SLC22A24: variants seen among roughly 807,000 people sequenced by gnomAD.
SLC22A24 encodes steroid transmembrane transporter SLC22A24.
In SLC22A24, 53 loss-of-function variants were observed where a neutral mutation model predicts 49.8. The ratio of observed to expected loss-of-function variants is 1.06; its 90% CI spans 0.85 to 1.34. The LOEUF (loss-of-function observed/expected upper bound fraction) is 1.34, where lower values mean the gene tolerates loss of function less well. SLC22A24 is among the 40% of genes most tolerant of loss of function. The probability of loss-of-function intolerance (pLI) is 0.00; values close to 1 mark genes in which losing one functional copy is unlikely to be tolerated. For missense variants in SLC22A24, 786 were observed against 675.9 expected, an observed-to-expected ratio of 1.16 and a Z score of -1.81; for synonymous variants, 302 against 256.4, an observed-to-expected ratio of 1.18 and a Z score of -1.70.
intron 4 of SLC22A24, among the ~76,000 whole-genome samples, chr11:63,111,408 A>G (rs1211364567): frequency 6.6e-6 from 1 of 151,776 alleles, no homozygotes; most frequent in Non-Finnish European, 1.5e-5. Flanking sequence ...TGATTGGAAT[A>G]GTTTCAGAAG....
At position 63,114,167 on chromosome 11, in the gene SLC22A24, T is replaced by A. The variant is rs546574760; in HGVS notation, c.830+4745A>T. ...ATATCCTGAAGAGTGTTTTTCCAAC[T>A]TGGTTCCATTCTTTCCGTCACTTTC... is the stretch of plus-strand genomic sequence containing the variant. On this transcript the variant is annotated intron_variant, in intron 4 of 9. Transcript: ENST00000612278. Among the ~76,000 whole-genome samples, 7 of 152,354 alleles carry A rather than the reference T, an allele frequency of 4.6e-5. No homozygotes were observed. The South Asian group carries it at 1.4e-3, about 32-fold the overall frequency.
chr11:63,103,976 A>G (rs2087105535), intron 5 of SLC22A24, among the ~76,000 whole-genome samples, 199 bp downstream of exon 5: 1 of 152,194 alleles, frequency 6.6e-6, no homozygotes, highest in South Asian at 2.1e-4. Context: ...TTAAACAATT[A>G]TATCCACTTC....
At chr11:63,136,512 A>T (rs2087375812) in intron 1 of SLC22A24, among the ~76,000 whole-genome samples, 1 of 152,090 alleles carries the variant, frequency 6.6e-6, no homozygotes, top group South Asian at 2.1e-4. Context: ...CACCATATTC[A>T]CCTGACCTCT....
chr11:63,134,278 G>C (rs943013331), intron 2 of SLC22A24, among the ~76,000 whole-genome samples: 1 of 152,056 alleles, frequency 6.6e-6, no homozygotes, highest in Non-Finnish European at 1.5e-5. Context: ...GGCCAATAAC[G>C]CTGTTTCACA....
intron 6 of SLC22A24, among the ~76,000 whole-genome samples, chr11:63,087,024 G>GCACACA (rs1555045310): frequency 0.012 from 1,611 of 132,506 alleles, 26 homozygotes; most frequent in East Asian, 0.039. Context: ...CCTGGAGGGC[G>GCACACA]CACACACACA....
In SLC22A24 at chr11:63,099,168, C is replaced by T. The variant is rs995734416; in HGVS notation, c.955-3062G>A. Among the ~76,000 whole-genome samples, 3 of 151,944 alleles carry T rather than the reference C, an allele frequency of 2.0e-5. No individual in the cohort carries two copies. In the Middle Eastern group the frequency reaches 0.01, roughly 517 times the overall value. On this transcript the variant is annotated intron_variant, in intron 5 of 9. Coordinates refer to ENST00000612278, the MANE Select transcript of SLC22A24 (RefSeq NM_001136506.2). Reference sequence around the variant, plus strand: ...ACAGGAACTGATGATTTCGCTGATGCATGTTAACAAATATTTATTGGTTTT... The same window carrying T: ...ACAGGAACTGATGATTTCGCTGATGTATGTTAACAAATATTTATTGGTTTT...
At chr11:63,083,965 G>A (rs900535209) in intron 6 of SLC22A24, among the ~76,000 whole-genome samples, 5 of 152,234 alleles carry the variant, frequency 3.3e-5, no homozygotes, top group African/African-American at 9.6e-5. Flanking sequence ...TGGAGAATGG[G>A]GGTAATACTT....
rs373413405 is a variant in SLC22A24, at chr11:63,141,096, G to A, written c.402+2282C>T. 4.9e-4 allele frequency among the ~76,000 whole-genome samples: 75 copies of A among 152,270 alleles called. 1 individual carries two copies. In the South Asian group the frequency reaches 6.8e-3, roughly 14 times the overall value. ...GGTTTTCTTAGAAAATTGATGTGCT[G>A]TTTGATTGAAAATTGTAAAGCGTTC... On this transcript the variant is annotated intron_variant, in intron 1 of 9. Transcript: ENST00000612278.
chr11:63,100,830 T>G (rs888351096), intron 5 of SLC22A24, among the ~76,000 whole-genome samples: 2 of 152,104 alleles, frequency 1.3e-5, no homozygotes, highest in Non-Finnish European at 2.9e-5. Flanking sequence ...TAAATGGTGC[T>G]GAGAAAACTG....
At chr11:63,109,802 G>A (rs995401174) in intron 4 of SLC22A24, among the ~76,000 whole-genome samples, 9 of 151,722 alleles carry the variant, frequency 5.9e-5, no homozygotes. Flanking sequence ...TAGGTTGCCT[G>A]TTCACTCTGA....
chr11:63,083,009 G>A (rs2086967957), intron 7 of SLC22A24, among the ~76,000 whole-genome samples: 2 of 152,222 alleles, frequency 1.3e-5, no homozygotes, highest in South Asian at 4.1e-4. Flanking sequence ...CATCTTGGCT[G>A]TGATGAAGAC....
rs529423939 is a variant in SLC22A24 at position 63,097,089 on chromosome 11, C to A, written c.955-983G>T. On this transcript the variant is annotated intron_variant, in intron 5 of 9. Transcript: ENST00000612278. ...ATAGAGCTCCAGTAAGTAAATATTT[C>A]AGGCTGTGCACAGCAAAAGAAACTA... 2.6e-5 allele frequency among the ~76,000 whole-genome samples: 4 copies of A among 151,856 alleles called. No homozygotes were observed. In the East Asian group the frequency reaches 5.8e-4, roughly 22 times the overall value.
At chr11:63,093,342 G>C (rs531807923) in intron 6 of SLC22A24, among the ~76,000 whole-genome samples, 96 of 152,214 alleles carry the variant, frequency 6.3e-4, no homozygotes, top group Non-Finnish European at 1.2e-3. Context: ...CCATTGCTGG[G>C]TATATACCCA....
chr11:63,101,431 C>T (rs1003086566), intron 5 of SLC22A24, among the ~76,000 whole-genome samples: 2 of 151,668 alleles, frequency 1.3e-5, no homozygotes. Flanking sequence ...TAATATTATA[C>T]TAGGTAAGTG....
At position 63,119,212 on chromosome 11, in the gene SLC22A24, G is replaced by C; in HGVS notation, c.630C>G (p.Thr210=). Reference sequence around the variant, plus strand: ...TAAAAGTGTTTCCCAAAATAGTCATGGTGGAGAACCCTGCCAAGAAGCGCA... The same window carrying C: ...TAAAAGTGTTTCCCAAAATAGTCATCGTGGAGAACCCTGCCAAGAAGCGCA... ...CILRFLAGFS[T]MTILGNTFIL... is the part of the protein sequence containing the mutation. Residue 210 remains threonine, a synonymous_variant, in exon 3 of 10, where the codon ACC becomes ACG. Coordinates refer to ENST00000612278, the MANE Select transcript of SLC22A24 (RefSeq NM_001136506.2). The C allele has an allele frequency of 1.9e-6, 3 of 1,548,222 alleles. No individual in the cohort carries two copies. The highest frequency in any genetic ancestry group is 2.0e-5 in the Admixed American group (1 of 50,042).
chr11:63,080,986 A>G lies in SLC22A24; in HGVS notation c.1532T>C (p.Val511Ala). 6.4e-7 allele frequency: 1 copy of G among 1,552,264 alleles called. No individual in the cohort carries two copies. Among genetic ancestry groups the G allele is most frequent in the African/African-American group, 1.4e-5 (1 of 73,166 alleles). ...CCTGGTTTCTGGAAGGAGGAGGATA[A>G]CAGGGACAGCAAGGATGGGGAAGAC... ...YGVFPILAVP[V>A]ILLLPETRDL... The change falls in exon 9 of 10, where the codon GTT becomes GCT. Residue 511 changes from valine (V) to alanine (A), a missense_variant. Transcript: ENST00000612278.
chr11:63,093,193 A>T (rs1377401605), intron 6 of SLC22A24, among the ~76,000 whole-genome samples: 1 of 152,150 alleles, frequency 6.6e-6, no homozygotes, highest in Non-Finnish European at 1.5e-5. Flanking sequence ...GAAACAACAG[A>T]TGCTGGAGAG....
At chr11:63,094,058 G>T (rs1364602192) in intron 6 of SLC22A24, among the ~76,000 whole-genome samples, 2 of 151,756 alleles carry the variant, frequency 1.3e-5, no homozygotes, top group African/African-American at 4.8e-5. Context: ...TGTTACATAT[G>T]TATACATGTG....
intron 1 of SLC22A24, among the ~76,000 whole-genome samples, chr11:63,138,392 C>A (rs188758738): frequency 6.6e-6 from 1 of 152,148 alleles, no homozygotes; most frequent in Admixed American, 6.5e-5. Flanking sequence ...CCTGTAATCC[C>A]AGCACTTTTG....
Sources: allele counts gnomAD v4.1 joint callset (sites outside exome capture counted in the v4.1 genomes callset), GRCh38; gene constraint gnomAD v4.1.1; transcripts MANE v1.5; gene names NCBI Gene and HGNC (gene_info 2026-07-23, HGNC 2026-07-21).